The following CDH4 variants were observed in gnomAD, a reference collection of about 807,000 sequenced individuals.
CDH4 encodes cadherin 4.
A neutral mutation model predicts 86.0 loss-of-function variants in CDH4; 33 were observed. The observed-to-expected ratio is 0.38, with a 90% CI of 0.29 to 0.51. CDH4 has a LOEUF of 0.51. CDH4 is among the 20% of genes least tolerant of loss of function. The pLI is 0.86. For missense variants in CDH4, 1,114 were observed against 1,307.4 expected (o/e 0.85, Z 2.28); for synonymous variants, 555 against 549.4 (o/e 1.01, Z -0.14).
At chr20:61,806,084 T>A (rs1171375896) in intron 4 of CDH4, among the ~76,000 whole-genome samples, 1 of 152,204 alleles carries the variant, frequency 6.6e-6, no homozygotes, top group African/African-American at 2.4e-5. Flanking sequence ...CGGGGCACAT[T>A]TAGAATGGCT....
At chr20:61,494,429 T>C (rs1456575144) in intron 2 of CDH4, among the ~76,000 whole-genome samples, 1 of 152,230 alleles carries the variant, frequency 6.6e-6, no homozygotes, top group African/African-American at 2.4e-5. Context: ...TCCATTATCC[T>C]TTCAGTACTT....
chr20:61,396,085 T>G (rs1452093880), intron 2 of CDH4, among the ~76,000 whole-genome samples: 1 of 152,204 alleles, frequency 6.6e-6, no homozygotes, highest in African/African-American at 2.4e-5. Context: ...CTCAGGCCCA[T>G]CCGTCGTGCC....
intron 2 of CDH4, among the ~76,000 whole-genome samples, chr20:61,411,393 C>A (rs756116642): frequency 1.3e-5 from 2 of 150,150 alleles, no homozygotes; most frequent in African/African-American, 4.9e-5. Context: ...CAAGGAAAAG[C>A]CGCATTCATT....
At chr20:61,720,413 AGT>A (rs2088024122) in intron 2 of CDH4, among the ~76,000 whole-genome samples, 1 of 118,944 alleles carries the variant, frequency 8.4e-6, no homozygotes, top group African/African-American at 3.3e-5. Flanking sequence ...GCGAAGTGTA[AGT>A]GTGTAGGGGT....
At chr20:61,799,304 C>T (rs1282143391) in intron 4 of CDH4, among the ~76,000 whole-genome samples, 1 of 152,172 alleles carries the variant, frequency 6.6e-6, no homozygotes, top group Non-Finnish European at 1.5e-5. Flanking sequence ...AACCCAGCTG[C>T]TACCTCCAGG....
At chr20:61,651,896 C>T (rs923590525) in intron 2 of CDH4, among the ~76,000 whole-genome samples, 1 of 152,142 alleles carries the variant, frequency 6.6e-6, no homozygotes, top group African/African-American at 2.4e-5. Flanking sequence ...CAGGCAGGGC[C>T]CCAGCTCTGG....
At chr20:61,741,547 C>A (rs1163745305) in intron 2 of CDH4, among the ~76,000 whole-genome samples, 2 of 151,914 alleles carry the variant, frequency 1.3e-5, no homozygotes, top group African/African-American at 4.8e-5. Context: ...GCTGGAGTGC[C>A]ATGGCGTGAT....
At chr20:61,777,915 T>A (rs915132148) in intron 4 of CDH4, among the ~76,000 whole-genome samples, 1 of 147,380 alleles carries the variant, frequency 6.8e-6, no homozygotes, top group African/African-American at 2.5e-5. Flanking sequence ...AATACACACA[T>A]CCACATGTGC....
intron 1 of CDH4, among the ~76,000 whole-genome samples, chr20:61,253,757 C>T (rs1231463366): frequency 5.9e-5 from 9 of 152,154 alleles, no homozygotes; most frequent in African/African-American, 2.2e-4. Flanking sequence ...TCCGCGGTGC[C>T]GGCGTCGGGA....
At chr20:61,859,073 C>T (rs1435154583) in intron 6 of CDH4, among the ~76,000 whole-genome samples, 3 of 152,178 alleles carry the variant, frequency 2.0e-5, no homozygotes, top group Non-Finnish European at 4.4e-5. Context: ...CAGCATCTGA[C>T]GTTGTCATCA....
chr20:61,731,261 C>T (rs908778613), intron 2 of CDH4, among the ~76,000 whole-genome samples: 1 of 152,088 alleles, frequency 6.6e-6, no homozygotes, highest in Admixed American at 6.5e-5. Context: ...ATTTTGGCCT[C>T]GTGACATTCT....
intron 2 of CDH4, among the ~76,000 whole-genome samples, chr20:61,673,302 T>C (rs1393939316): frequency 6.6e-6 from 1 of 152,198 alleles, no homozygotes; most frequent in Non-Finnish European, 1.5e-5. Flanking sequence ...CAGCGGCAGC[T>C]GCAGCATGAG....
chr20:61,628,304 C>T (rs1307658335), intron 2 of CDH4, among the ~76,000 whole-genome samples: 1 of 152,096 alleles, frequency 6.6e-6, no homozygotes, highest in Non-Finnish European at 1.5e-5. Flanking sequence ...CTGCCGCCCC[C>T]ACCCCTCTGC....
At chr20:61,720,104 G>C (rs1377486464) in intron 2 of CDH4, among the ~76,000 whole-genome samples, 1 of 152,158 alleles carries the variant, frequency 6.6e-6, no homozygotes, top group African/African-American at 2.4e-5. Context: ...AGTGCCGCCT[G>C]CTGTTTGGCA....
At chr20:61,425,499 G>A (rs979350294) in intron 2 of CDH4, among the ~76,000 whole-genome samples, 1 of 152,232 alleles carries the variant, frequency 6.6e-6, no homozygotes, top group African/African-American at 2.4e-5. Context: ...CCCCTGAGCA[G>A]GACGTGGGCT....
intron 2 of CDH4, among the ~76,000 whole-genome samples, chr20:61,498,733 AC>A (rs1242551652): frequency 2.0e-5 from 3 of 152,174 alleles, no homozygotes; most frequent in Non-Finnish European, 4.4e-5. Flanking sequence ...CATAAAATAC[AC>A]TAAAGATAGC....
intron 13 of CDH4, among the ~76,000 whole-genome samples, chr20:61,932,766 G>A (rs1441894618): frequency 2.0e-5 from 3 of 152,230 alleles, no homozygotes; most frequent in African/African-American, 4.8e-5. Flanking sequence ...GAATGCACAC[G>A]CACGTGGGCC....
intron 2 of CDH4, among the ~76,000 whole-genome samples, chr20:61,384,687 A>C (rs1020272146): frequency 2.0e-5 from 3 of 152,182 alleles, no homozygotes; most frequent in African/African-American, 7.2e-5. Flanking sequence ...ATGTCAGCTC[A>C]GCTACTAATC....
At chr20:61,857,108 G>A (rs1346980571) in intron 6 of CDH4, among the ~76,000 whole-genome samples, 6 of 152,238 alleles carry the variant, frequency 3.9e-5, no homozygotes, top group Non-Finnish European at 8.8e-5. Context: ...GTTCTCGTGG[G>A]TCTCACTGCC....
Sources: allele counts gnomAD v4.1 joint callset (sites outside exome capture counted in the v4.1 genomes callset), GRCh38; gene constraint gnomAD v4.1.1; transcripts MANE v1.5; gene names NCBI Gene and HGNC (gene_info 2026-07-23, HGNC 2026-07-21).